Variants in SH3D19 observed in about 807,000 individuals in gnomAD.
The protein encoded by SH3D19 is SH3 domain-containing protein 19.
SH3D19 carries 58 observed loss-of-function variants against 112.1 expected under a neutral mutation model. The observed-to-expected ratio is 0.52, with a 90% CI of 0.42 to 0.64. The LOEUF (loss-of-function observed/expected upper bound fraction) is 0.64, where lower values mean the gene tolerates loss of function less well. SH3D19 is among the 30% of genes least tolerant of loss of function. SH3D19 has a pLI of 0.00. For missense variants in SH3D19, 1,090 were observed against 1,263.4 expected (o/e 0.86, Z 2.08); for synonymous variants, 391 against 448.5 (o/e 0.87, Z 1.62).
At position 151,206,496 on chromosome 4, in the gene SH3D19, C is replaced by T. The variant is rs892176969; in HGVS notation, c.153-19033G>A. On this transcript the variant is annotated intron_variant, in intron 2 of 19. Transcript: ENST00000604030. ...GTTTCTCCATAAATACTGTAAAGTACTACCCTACTCTATTTTCTCAATATA... is the reference window on the plus strand; with the variant it reads ...GTTTCTCCATAAATACTGTAAAGTATTACCCTACTCTATTTTCTCAATATA... 2.6e-5 allele frequency among the ~76,000 whole-genome samples: 4 copies of T among 152,268 alleles called. No individual in the cohort carries two copies. The South Asian group carries it at 8.3e-4, about 32-fold the overall frequency.
intron 2 of SH3D19, among the ~76,000 whole-genome samples, chr4:151,225,094 C>T (rs935513847): frequency 7.2e-5 from 11 of 152,146 alleles, no homozygotes; most frequent in African/African-American, 2.7e-4. Context: ...AAACGCATTG[C>T]TATTCTAAGC....
intron 1 of SH3D19, among the ~76,000 whole-genome samples, chr4:151,304,976 A>G (rs1728796112): frequency 1.3e-5 from 2 of 152,210 alleles, no homozygotes; most frequent in South Asian, 4.1e-4. Context: ...AAACAAAACA[A>G]AACAAAACAA....
chr4:151,150,316 T>TATAC (rs1470258105), intron 9 of SH3D19, among the ~76,000 whole-genome samples: 2 of 140,382 alleles, frequency 1.4e-5, no homozygotes, highest in African/African-American at 5.3e-5. Context: ...CACACATATA[T>TATAC]ATATACATAT....
intron 1 of SH3D19, among the ~76,000 whole-genome samples, chr4:151,304,149 C>T (rs1200893588): frequency 1.3e-5 from 2 of 151,920 alleles, no homozygotes; most frequent in African/African-American, 4.8e-5. Context: ...TTTCTTTAAG[C>T]CATATTTGAC....
chr4:151,325,418 T>C lies in SH3D19; in HGVS notation c.-66A>G. The C allele has an allele frequency of 1.2e-6, 1 of 835,608 alleles. No homozygotes were observed. The highest frequency in any genetic ancestry group is 1.6e-6 in the Non-Finnish European group (1 of 640,574). 51.8% of individuals were successfully genotyped at this position (835,608 alleles called of 1,614,324 possible). On this transcript the variant is annotated 5_prime_UTR_variant, in exon 1 of 20. Transcript: ENST00000604030. ...TGCGGCCCCGGCGCCCCAGAACGCC[T>C]GCACCCGGCGCCCCACGCCACCGCC...
intron 1 of SH3D19, among the ~76,000 whole-genome samples, chr4:151,255,589 G>A (rs1461557343): frequency 4.5e-5 from 3 of 67,302 alleles, no homozygotes; most frequent in Non-Finnish European, 1.5e-4. Context: ...ACGATGGGCG[G>A]CCAGGCAGAG....
At position 151,192,045 on chromosome 4, in the gene SH3D19, C is replaced by T. The variant is rs189440235; in HGVS notation, c.153-4582G>A. Among the ~76,000 whole-genome samples the T allele has an allele frequency of 3.0e-3, 442 of 149,480 alleles. 1 individual carries two copies. Among genetic ancestry groups the T allele is most frequent in the African/African-American group, 9.8e-3 (399 of 40,684 alleles). On this transcript the variant is annotated intron_variant, in intron 2 of 19. Coordinates refer to ENST00000604030, the MANE Select transcript of SH3D19 (RefSeq NM_001378122.1). ...CTGCAAGCTCCGCCTCCTGGGTTCA[C>T]GCCATTCTCCTGCTTCAGCCTCCCC...
chr4:151,317,744 C>T (rs1730128808), intron 1 of SH3D19, among the ~76,000 whole-genome samples: 1 of 152,262 alleles, frequency 6.6e-6, no homozygotes, highest in Non-Finnish European at 1.5e-5. Context: ...GAAGCCGAGG[C>T]AGGCACATCA....
At chr4:151,155,482 C>A (rs1456614886) in intron 9 of SH3D19, among the ~76,000 whole-genome samples, 1 of 151,934 alleles carries the variant, frequency 6.6e-6, no homozygotes, top group Non-Finnish European at 1.5e-5. Flanking sequence ...ATAGTTAATG[C>A]ACAATGTAAA....
At chr4:151,302,478 C>T (rs114510955) in intron 1 of SH3D19, among the ~76,000 whole-genome samples, 1 of 152,244 alleles carries the variant, frequency 6.6e-6, no homozygotes, top group Non-Finnish European at 1.5e-5. Flanking sequence ...TATTCCAAAA[C>T]TAGAACAAAG....
intron 1 of SH3D19, among the ~76,000 whole-genome samples, chr4:151,233,776 G>A (rs889293470): frequency 3.3e-5 from 5 of 152,266 alleles, no homozygotes; most frequent in Middle Eastern, 3.4e-3. Flanking sequence ...CAGACTATCC[G>A]TCTATAGCAC....
chr4:151,290,615 G>A (rs1775226860), intron 1 of SH3D19, among the ~76,000 whole-genome samples: 1 of 152,124 alleles, frequency 6.6e-6, no homozygotes, highest in Admixed American at 6.5e-5. Context: ...ATGGGTTGTG[G>A]TGATGGTTGT....
At chr4:151,225,955 G>C in intron 2 of SH3D19, 92 bp downstream of exon 2, 1 of 803,114 alleles carries the variant, frequency 1.2e-6, no homozygotes, top group Non-Finnish European at 1.7e-6. Context: ...CCAATAGACA[G>C]TAACTCTAAA....
At chr4:151,214,187 A>C (rs1766499246) in intron 2 of SH3D19, among the ~76,000 whole-genome samples, 1 of 151,988 alleles carries the variant, frequency 6.6e-6, no homozygotes, top group Non-Finnish European at 1.5e-5. Context: ...GCTGGGGGGT[A>C]AGGTCACAGA....
intron 1 of SH3D19, among the ~76,000 whole-genome samples, chr4:151,298,741 T>A (rs1728038526): frequency 6.6e-6 from 1 of 152,172 alleles, no homozygotes; most frequent in Admixed American, 6.5e-5. Flanking sequence ...TTTATATAAT[T>A]TCAAGATGTT....
At chr4:151,198,624 A>G (rs1401556984) in intron 2 of SH3D19, among the ~76,000 whole-genome samples, 1 of 151,644 alleles carries the variant, frequency 6.6e-6, no homozygotes, top group Non-Finnish European at 1.5e-5. Context: ...CCAAATATCT[A>G]GTGATGTCTA....
In SH3D19 at chr4:151,248,898, A is replaced by AT. The variant is rs112030031; in HGVS notation, c.113-22813dup. Among the ~76,000 whole-genome samples, 547 of 151,990 alleles carry AT rather than the reference A, an allele frequency of 3.6e-3. 4 individuals are homozygous for AT. Among genetic ancestry groups the AT allele is most frequent in the African/African-American group, 0.012 (511 of 41,454 alleles). On this transcript the variant is annotated intron_variant, in intron 1 of 19. Coordinates refer to ENST00000604030, the MANE Select transcript of SH3D19 (RefSeq NM_001378122.1). ...CCTTAGAGTGAATTTATACTGATTAATTTTTTTTTAAATTCAGGAACTAAA... is the reference window on the plus strand; with the variant it reads ...CCTTAGAGTGAATTTATACTGATTAATTTTTTTTTTAAATTCAGGAACTAAA...
intron 11 of SH3D19, among the ~76,000 whole-genome samples, chr4:151,145,283 G>T (rs921372683): frequency 6.6e-6 from 1 of 152,198 alleles, no homozygotes; most frequent in Non-Finnish European, 1.5e-5. Flanking sequence ...AGGCCTCTGA[G>T]CCCAAGCTAA....
At chr4:151,283,152 G>A (rs1316613299) in intron 1 of SH3D19, 2 of 1,613,722 alleles carry the variant, frequency 1.2e-6, no homozygotes, top group Non-Finnish European at 1.7e-6. Flanking sequence ...GGAAGCAGAA[G>A]TACCCATTAT....
Sources: allele counts gnomAD v4.1 joint callset (sites outside exome capture counted in the v4.1 genomes callset), GRCh38; gene constraint gnomAD v4.1.1; transcripts MANE v1.5; gene names NCBI Gene and HGNC (gene_info 2026-07-23, HGNC 2026-07-21).